ALG10B: variants seen among roughly 807,000 people sequenced by gnomAD.
The protein encoded by ALG10B is dol-P-Glc:Glc(2)Man(9)GlcNAc(2)-PP-Dol alpha-1,2-glucosyltransferase B.
ALG10B carries 27 observed loss-of-function variants against 38.7 expected under a neutral mutation model. That is an observed-to-expected ratio of 0.70 (90% CI 0.51 to 0.96). ALG10B has a LOEUF of 0.96. ALG10B is among the 40% of genes least tolerant of loss of function. The probability of loss-of-function intolerance (pLI) is 0.00; values close to 1 mark genes in which losing one functional copy is unlikely to be tolerated. For synonymous variants in ALG10B, 177 were observed against 193.3 expected, an observed-to-expected ratio of 0.92 and a Z score of 0.70; for missense variants, 522 against 542.7, an observed-to-expected ratio of 0.96 and a Z score of 0.38.
In ALG10B at chr12:38,328,971, T is replaced by C. The variant is rs1380282294; in HGVS notation, c.*7758T>C. 5.3e-6 allele frequency: 2 copies of C among 375,836 alleles called. No homozygotes were observed. The highest frequency in any genetic ancestry group is 4.1e-5 in the African/African-American group (2 of 48,208). 23.3% of individuals were successfully genotyped at this position (375,836 alleles called of 1,614,324 possible). A position where few individuals can be genotyped will look rare whatever the true frequency, so the allele number is the denominator to read the frequency against. On this transcript the variant is annotated 3_prime_UTR_variant, in exon 3 of 3. Coordinates refer to ENST00000308742, the MANE Select transcript of ALG10B (RefSeq NM_001013620.4). ...TTAGTATAGAGAGGTGAAGTATTTT[T>C]TCCAAGATTACAAAATAACTGTCTG... is the stretch of plus-strand genomic sequence containing the variant.
At position 38,322,340 on chromosome 12, in the gene ALG10B, G is replaced by A. The variant is rs1945711117; in HGVS notation, c.*1127G>A. 1 of 152,148 alleles carries A rather than the reference G, an allele frequency of 6.6e-6. No individual in the cohort carries two copies. 9.4% of individuals were successfully genotyped at this position (152,148 alleles called of 1,614,324 possible). ...CTTAATTATGTTTACAAAGACCCAT[G>A]TTCCAAGTAAGTTTGTATTCACATG... On this transcript the variant is annotated 3_prime_UTR_variant, in exon 3 of 3. Transcript: ENST00000308742.
At position 38,328,757 on chromosome 12, in the gene ALG10B, A is replaced by G. The variant is rs1945767844; in HGVS notation, c.*7544A>G. The stretch of plus-strand genomic sequence containing the variant: ...GATTTAACCTAATATATCTTCCCAT[A>G]TGATATGATCTTTGCATATGGCATA... On this transcript the variant is annotated 3_prime_UTR_variant, in exon 3 of 3. Transcript: ENST00000308742. 1 of 154,570 alleles carries G rather than the reference A, an allele frequency of 6.5e-6. No individual in the cohort carries two copies. The highest frequency in any genetic ancestry group is 2.4e-5 in the African/African-American group (1 of 41,582). 9.6% of individuals were successfully genotyped at this position (154,570 alleles called of 1,614,324 possible).
At chr12:38,317,522 T>C (rs2120480944) in intron 1 of ALG10B, 3 of 181,240 alleles carry the variant, frequency 1.7e-5, no homozygotes, top group Middle Eastern at 5.4e-3. Flanking sequence ...ACAAATTCCT[T>C]CCCTGGGTAT....
In ALG10B at chr12:38,323,922, T is replaced by G. The variant is rs1222235563; in HGVS notation, c.*2709T>G. ...AGGATTTTGTATTTAGGAATACTTCTGAGAGGAGAAGCTTCCACTCTGATC... is the reference window on the plus strand; with the variant it reads ...AGGATTTTGTATTTAGGAATACTTCGGAGAGGAGAAGCTTCCACTCTGATC... On this transcript the variant is annotated 3_prime_UTR_variant, in exon 3 of 3. Transcript: ENST00000308742. 14 of 702,274 alleles carry G rather than the reference T, an allele frequency of 2.0e-5. No homozygotes were observed. Among genetic ancestry groups the G allele is most frequent in the Admixed American group, 4.0e-5 (2 of 50,000 alleles). 43.5% of individuals were successfully genotyped at this position (702,274 alleles called of 1,614,324 possible).
Position 38,316,784 on chromosome 12 carries a change from C to T in ALG10B, c.-110C>T. On this transcript the variant is annotated 5_prime_UTR_variant, in exon 1 of 3. Coordinates refer to ENST00000308742, the MANE Select transcript of ALG10B (RefSeq NM_001013620.4). ...TTTGCCTTCCGGTATGTGGCCCCGT[C>T]TGGCTAGTCCTGTCTAGCGCGCCCA... The T allele has an allele frequency of 1.3e-6, 2 of 1,582,700 alleles. No homozygotes were observed. Among genetic ancestry groups the T allele is most frequent in the Non-Finnish European group, 1.7e-6 (2 of 1,154,380 alleles).
In ALG10B at chr12:38,325,517, G is replaced by T. The variant is rs548423237; in HGVS notation, c.*4304G>T. 4 of 148,294 alleles carry T rather than the reference G, an allele frequency of 2.7e-5. No individual in the cohort carries two copies. The East Asian group carries it at 7.7e-4, about 29-fold the overall frequency. The allele number at this position is 148,294 out of a possible 1,614,324, so 9.2% of individuals were successfully genotyped here. A position where few individuals can be genotyped will look rare whatever the true frequency, so the allele number is the denominator to read the frequency against. On this transcript the variant is annotated 3_prime_UTR_variant, in exon 3 of 3. Coordinates refer to ENST00000308742, the MANE Select transcript of ALG10B (RefSeq NM_001013620.4). The stretch of plus-strand genomic sequence containing the variant: ...TAAATAAAATATTTATTCACATGAA[G>T]AAATAAATTTTGTGTTTATTAGGTT...
At position 38,328,407 on chromosome 12, in the gene ALG10B, T is replaced by C. The variant is rs750455728; in HGVS notation, c.*7194T>C. ...TAGTGTTTAACTTATTTTCTATTTT[T>C]TATCCCTCTATATTCGTGAAATTAC... On this transcript the variant is annotated 3_prime_UTR_variant, in exon 3 of 3. Coordinates refer to ENST00000308742, the MANE Select transcript of ALG10B (RefSeq NM_001013620.4). The C allele has an allele frequency of 6.6e-5, 10 of 152,208 alleles. No homozygotes were observed. Among genetic ancestry groups the C allele is most frequent in the Non-Finnish European group, 1.5e-4 (10 of 68,002 alleles). 9.4% of individuals were successfully genotyped at this position (152,208 alleles called of 1,614,324 possible).
In ALG10B at chr12:38,316,982, C is replaced by A. The variant is rs1482226348; in HGVS notation, c.89C>A (p.Ala30Glu). Residue 30 changes from alanine (A) to glutamate (E), a missense_variant, in exon 1 of 3, where the codon GCG becomes GAG. Ala to Glu is a moderately radical substitution (Grantham distance 107). Coordinates refer to ENST00000308742, the MANE Select transcript of ALG10B (RefSeq NM_001013620.4). Reference protein sequence around the residue: ...SCLLFSAFSRALREPYMDEIF... With the variant: ...SCLLFSAFSRELREPYMDEIF... ...CTCCTCTTCTCCGCCTTCAGCCGGG[C>A]GCTGCGAGAGCCCTACATGGACGAG... 4.3e-6 allele frequency: 7 copies of A among 1,614,132 alleles called. No homozygotes were observed. The highest frequency in any genetic ancestry group is 1.7e-4 in the Middle Eastern group (1 of 6,060).
In ALG10B at chr12:38,329,128, TGA is replaced by T. The variant is rs1945771822; in HGVS notation, c.*7916_*7917del. ...GAAGGAAAAATTGTCGCAAGTAATG[TGA>T]TTATACTTCCTAGTTTTATAGGTCA... On this transcript the variant is annotated 3_prime_UTR_variant, in exon 3 of 3. Transcript: ENST00000308742. 1 of 398,112 alleles carries T rather than the reference TGA, an allele frequency of 2.5e-6. No homozygotes were observed. The highest frequency in any genetic ancestry group is 2.1e-5 in the African/African-American group (1 of 48,634). 24.7% of individuals were successfully genotyped at this position (398,112 alleles called of 1,614,324 possible). A position where few individuals can be genotyped will look rare whatever the true frequency, so the allele number is the denominator to read the frequency against.
chr12:38,322,404 G>A lies in ALG10B; in HGVS notation c.*1191G>A, dbSNP rs1348875727. 1 of 152,112 alleles carries A rather than the reference G, an allele frequency of 6.6e-6. No homozygotes were observed. The highest frequency in any genetic ancestry group is 2.4e-5 in the African/African-American group (1 of 41,420). The allele number at this position is 152,112 out of a possible 1,614,324, so 9.4% of individuals were successfully genotyped here. On this transcript the variant is annotated 3_prime_UTR_variant, in exon 3 of 3. Transcript: ENST00000308742. ...TTGTCTCTTCATGGGATACTTTTCA[G>A]TCCATGACAGTTACTAAAGGACATT...
rs758754153 is a variant in ALG10B, at chr12:38,316,950, G to A, written c.57G>A (p.Val19=). ...FSAALSCTFL[V]SCLLFSAFSR... ...CCGCCTTGAGCTGTACCTTTTTAGT[G>A]TCCTGCCTCCTCTTCTCCGCCTTCA... The change falls in exon 1 of 3, where the codon GTG becomes GTA. Residue 19 remains valine, a synonymous_variant. Coordinates refer to ENST00000308742, the MANE Select transcript of ALG10B (RefSeq NM_001013620.4). 7.4e-6 allele frequency: 12 copies of A among 1,614,072 alleles called. No individual in the cohort carries two copies. The African/African-American group carries it at 1.5e-4, about 20-fold the overall frequency.
In ALG10B at chr12:38,323,555, A is replaced by G. The variant is rs545968932; in HGVS notation, c.*2342A>G. The G allele has an allele frequency of 4.9e-6, 1 of 204,068 alleles. No homozygotes were observed. The highest frequency in any genetic ancestry group is 1.2e-4 in the South Asian group (1 of 8,312). The allele number at this position is 204,068 out of a possible 1,614,324, so 12.6% of individuals were successfully genotyped here. ...AAGTGAACAAATTACTTTCCCCTCA[A>G]TGTCAAATTTTGCTTCTCTGAGTTT... is the stretch of plus-strand genomic sequence containing the variant. On this transcript the variant is annotated 3_prime_UTR_variant, in exon 3 of 3. Coordinates refer to ENST00000308742, the MANE Select transcript of ALG10B (RefSeq NM_001013620.4).
chr12:38,319,665 G>A (rs1226694592), intron 2 of ALG10B, among the ~76,000 whole-genome samples: 1 of 152,120 alleles, frequency 6.6e-6, no homozygotes, highest in African/African-American at 2.4e-5. Context: ...TCTTGAAAAA[G>A]TAAGTCTGGA....
At chr12:38,317,154 C>G (rs1945663245) in intron 1 of ALG10B, 90 bp downstream of exon 1, 2 of 1,566,442 alleles carry the variant, frequency 1.3e-6, no homozygotes, top group African/African-American at 2.7e-5. Flanking sequence ...CTTAACTCGT[C>G]CCTTTCCACC....
At chr12:38,317,453 G>A (rs975582852) in intron 1 of ALG10B, 1 of 211,458 alleles carries the variant, frequency 4.7e-6, no homozygotes, top group Admixed American at 5.2e-5. Context: ...TGCATTTTAG[G>A]GGTGGGATAG....
In ALG10B at chr12:38,328,765, A is replaced by C. The variant is rs73109544; in HGVS notation, c.*7552A>C. The C allele has an allele frequency of 7.6e-3, 1,189 of 155,780 alleles. 11 individuals are homozygous for C. Among genetic ancestry groups the C allele is most frequent in the African/African-American group, 0.022 (918 of 41,758 alleles). 9.6% of individuals were successfully genotyped at this position (155,780 alleles called of 1,614,324 possible). A position where few individuals can be genotyped will look rare whatever the true frequency, so the allele number is the denominator to read the frequency against. On this transcript the variant is annotated 3_prime_UTR_variant, in exon 3 of 3. Coordinates refer to ENST00000308742, the MANE Select transcript of ALG10B (RefSeq NM_001013620.4). ...CTAATATATCTTCCCATATGATATG[A>C]TCTTTGCATATGGCATACTTCATTC...
In ALG10B at chr12:38,316,998, C is replaced by G. The variant is rs776686327; in HGVS notation, c.105C>G (p.Tyr35Ter). 6.2e-7 allele frequency: 1 copy of G among 1,614,166 alleles called. No individual in the cohort carries two copies. The highest frequency in any genetic ancestry group is 8.5e-7 in the Non-Finnish European group (1 of 1,180,034). ...SAFSRALREP[Y>*]MDEIFHLPQA... ...TCAGCCGGGCGCTGCGAGAGCCCTA[C>G]ATGGACGAGATCTTCCACCTGCCTC... Residue 35 changes from tyrosine to a stop codon, truncating the protein, a stop_gained, in exon 1 of 3, where the codon TAC (tyrosine) becomes TAG (stop). Transcript: ENST00000308742. LOFTEE classifies it high-confidence loss of function.
At chr12:38,318,853 G>A (rs1945678730) in intron 2 of ALG10B, among the ~76,000 whole-genome samples, 2 of 152,162 alleles carry the variant, frequency 1.3e-5, no homozygotes, top group South Asian at 2.1e-4. Context: ...GGCCCCGGAG[G>A]TCGATTGCCT....
In ALG10B at chr12:38,328,383, A is replaced by C. The variant is rs1236951143; in HGVS notation, c.*7170A>C. 6.6e-6 allele frequency: 1 copy of C among 152,200 alleles called. No individual in the cohort carries two copies. 9.4% of individuals were successfully genotyped at this position (152,200 alleles called of 1,614,324 possible). A position where few individuals can be genotyped will look rare whatever the true frequency, so the allele number is the denominator to read the frequency against. On this transcript the variant is annotated 3_prime_UTR_variant, in exon 3 of 3. Coordinates refer to ENST00000308742, the MANE Select transcript of ALG10B (RefSeq NM_001013620.4). The stretch of plus-strand genomic sequence containing the variant: ...TGATGTTTTGGAGCACTGGTAATAT[A>C]GTGTTTAACTTATTTTCTATTTTTT...
Sources: allele counts gnomAD v4.1 joint callset (sites outside exome capture counted in the v4.1 genomes callset), GRCh38; gene constraint gnomAD v4.1.1; transcripts MANE v1.5; gene names NCBI Gene and HGNC (gene_info 2026-07-23, HGNC 2026-07-21).